Variants in DAB1 observed in about 807,000 individuals in gnomAD.
DAB1 encodes disabled homolog 1.
In DAB1, 15 loss-of-function variants were observed where a neutral mutation model predicts 64.6. That is an observed-to-expected ratio of 0.23 (90% CI 0.16 to 0.36). DAB1 has a LOEUF of 0.36. DAB1 is among the 10% of genes least tolerant of loss of function. The pLI is 1.00. For synonymous variants in DAB1, 235 were observed against 251.9 expected, an observed-to-expected ratio of 0.93 and a Z score of 0.64; for missense variants, 596 against 706.7, an observed-to-expected ratio of 0.84 and a Z score of 1.78.
intron 3 of DAB1, among the ~76,000 whole-genome samples, chr1:58,354,003 T>C (rs1255888158): frequency 1.3e-5 from 2 of 152,162 alleles, no homozygotes; most frequent in African/African-American, 4.8e-5. Flanking sequence ...GCTCTTGCTT[T>C]GTGTCAGGCA....
intron 5 of DAB1, among the ~76,000 whole-genome samples, chr1:58,065,320 T>C (rs1263801181): frequency 6.6e-6 from 1 of 152,224 alleles, no homozygotes; most frequent in Admixed American, 6.5e-5. Flanking sequence ...ATTCAACTGA[T>C]ACTTATTGAA....
intron 3 of DAB1, among the ~76,000 whole-genome samples, chr1:58,378,724 G>C (rs1355049129): frequency 2.2e-5 from 2 of 91,770 alleles, no homozygotes; most frequent in African/African-American, 1.2e-4. Context: ...CGAGCTTCCC[G>C]GCTGCTTTGT....
intron 3 of DAB1, among the ~76,000 whole-genome samples, chr1:58,489,117 C>A (rs1399630252): frequency 6.6e-6 from 1 of 152,148 alleles, no homozygotes; most frequent in Non-Finnish European, 1.5e-5. Flanking sequence ...GTGCAGCGCA[C>A]CGAGCGTGAG....
chr1:57,566,545 G>A (rs1645124184), intron 7 of DAB1, among the ~76,000 whole-genome samples: 1 of 151,954 alleles, frequency 6.6e-6, no homozygotes, highest in Non-Finnish European at 1.5e-5. Context: ...TAATAAAGAA[G>A]AAAAGAGAGA....
intron 1 of DAB1, among the ~76,000 whole-genome samples, chr1:57,837,444 C>G (rs1396477911): frequency 1.3e-5 from 2 of 152,048 alleles, no homozygotes; most frequent in African/African-American, 4.8e-5. Context: ...ATTCTTTGCT[C>G]CAAATCATAT....
At chr1:58,300,392 A>T (rs1662094008) in intron 4 of DAB1, among the ~76,000 whole-genome samples, 1 of 151,680 alleles carries the variant, frequency 6.6e-6, no homozygotes, top group African/African-American at 2.4e-5. Context: ...CTGAAAATAC[A>T]AAAAATTAGC....
At chr1:58,061,187 G>A (rs552002761) in intron 5 of DAB1, among the ~76,000 whole-genome samples, 15 of 152,302 alleles carry the variant, frequency 9.8e-5, no homozygotes, top group East Asian at 5.8e-4. Flanking sequence ...ACAGGCTTTC[G>A]AATGAAAAAG....
intron 4 of DAB1, among the ~76,000 whole-genome samples, chr1:57,120,513 A>G (rs1242608184): frequency 6.6e-6 from 1 of 152,172 alleles, no homozygotes; most frequent in African/African-American, 2.4e-5. Context: ...CAGTGGCATT[A>G]AGTACATTCA....
chr1:57,589,346 G>A (rs1645416925), intron 7 of DAB1, among the ~76,000 whole-genome samples: 1 of 152,116 alleles, frequency 6.6e-6, no homozygotes, highest in South Asian at 2.1e-4. Context: ...TAATAACCTG[G>A]AGAAAATATC....
chr1:58,473,588 A>C (rs1018620906), intron 3 of DAB1, among the ~76,000 whole-genome samples: 12 of 148,614 alleles, frequency 8.1e-5, no homozygotes, highest in Non-Finnish European at 1.2e-4. Context: ...AAATAAATAA[A>C]TAACATGGGA....
intron 3 of DAB1, among the ~76,000 whole-genome samples, chr1:58,497,090 T>A (rs1320413391): frequency 6.6e-6 from 1 of 152,120 alleles, no homozygotes; most frequent in African/African-American, 2.4e-5. Flanking sequence ...AAAATATCCT[T>A]CCCAAAATTT....
Position 57,940,182 on chromosome 1 carries a change from G to A in DAB1, n.388-56020C>T, listed in dbSNP as rs181379647. ...ATATTCCGAGTTTGGTTTCAGTGAGGGATACAGGTCCTCCTAAGCCCAGGG... is the reference window on the plus strand; with the variant it reads ...ATATTCCGAGTTTGGTTTCAGTGAGAGATACAGGTCCTCCTAAGCCCAGGG... On this transcript the variant is annotated intron_variant and non_coding_transcript_variant, in intron 5 of 20. Coordinates refer to the DAB1 transcript ENST00000485760. 8.6e-4 allele frequency among the ~76,000 whole-genome samples: 131 copies of A among 152,264 alleles called. 2 individuals carry two copies. The highest frequency in any genetic ancestry group is 3.4e-3 in the Middle Eastern group (1 of 294).
At chr1:57,811,424 A>G (rs945108157) in intron 6 of DAB1, among the ~76,000 whole-genome samples, 1 of 152,192 alleles carries the variant, frequency 6.6e-6, no homozygotes, top group Non-Finnish European at 1.5e-5. Context: ...CTGCTCAGCC[A>G]TGTGAAGTTC....
At chr1:57,808,387 A>G (rs538592331) in intron 6 of DAB1, among the ~76,000 whole-genome samples, 1 of 152,216 alleles carries the variant, frequency 6.6e-6, no homozygotes, top group Admixed American at 6.5e-5. Flanking sequence ...ATTCTAGTCA[A>G]CCCTCAACTG....
chr1:57,846,574 G>A (rs765687935), intron 1 of DAB1, among the ~76,000 whole-genome samples: 20 of 151,830 alleles, frequency 1.3e-4, no homozygotes, highest in African/African-American at 4.6e-4. Flanking sequence ...CTCTGCTAAG[G>A]TCTTTCCATG....
intron 1 of DAB1, among the ~76,000 whole-genome samples, chr1:57,366,427 A>G (rs1364060999): frequency 1.3e-5 from 2 of 152,226 alleles, no homozygotes; most frequent in East Asian, 3.9e-4. Flanking sequence ...AGAGTCAGTA[A>G]GTCCCCTGGA....
At chr1:57,035,855 T>C (rs1292810625) in intron 9 of DAB1, among the ~76,000 whole-genome samples, 1 of 139,976 alleles carries the variant, frequency 7.1e-6, no homozygotes, top group Non-Finnish European at 1.5e-5. Context: ...TTTTTTTTTT[T>C]TTTTTTTGAG....
chr1:58,086,583 T>G (rs895061092), intron 5 of DAB1, among the ~76,000 whole-genome samples: 1 of 151,986 alleles, frequency 6.6e-6, no homozygotes, highest in Non-Finnish European at 1.5e-5. Context: ...GTACAAAGTT[T>G]TGAGCTTTTA....
chr1:57,334,157 T>C (rs1432998143), intron 1 of DAB1, among the ~76,000 whole-genome samples: 2 of 152,182 alleles, frequency 1.3e-5, no homozygotes, highest in Non-Finnish European at 1.5e-5. Context: ...ATGATGAATA[T>C]GGAGGCCAGG....
Sources: allele counts gnomAD v4.1 joint callset (sites outside exome capture counted in the v4.1 genomes callset), GRCh38; gene constraint gnomAD v4.1.1; transcripts MANE v1.5; gene names NCBI Gene and HGNC (gene_info 2026-07-23, HGNC 2026-07-21).